Variants in ERBB4 observed in about 807,000 individuals in gnomAD.
The protein encoded by ERBB4 is receptor tyrosine-protein kinase erbB-4.
A neutral mutation model predicts 158.0 loss-of-function variants in ERBB4; 42 were observed. The ratio of observed to expected loss-of-function variants is 0.27; its 90% CI spans 0.21 to 0.34. The LOEUF (loss-of-function observed/expected upper bound fraction) is 0.34, where lower values mean the gene tolerates loss of function less well. Ranked by LOEUF, ERBB4 falls within the 10% of genes least tolerant of loss-of-function variation. The pLI, the probability that ERBB4 is intolerant of heterozygous loss-of-function variation, is 1.00. For synonymous variants in ERBB4, 583 were observed against 558.7 expected (o/e 1.04, Z -0.61); for missense variants, 1,333 against 1,624.1 (o/e 0.82, Z 3.08).
At position 212,517,409 on chromosome 2, in the gene ERBB4, G is replaced by A. The variant is rs62186302; in HGVS notation, c.82+21040C>T. Among the ~76,000 whole-genome samples the A allele has an allele frequency of 3.7e-3, 556 of 152,150 alleles. 2 individuals carry two copies. The highest frequency in any genetic ancestry group is 6.8e-3 in the Non-Finnish European group (461 of 67,940). On this transcript the variant is annotated intron_variant, in intron 1 of 27. Transcript: ENST00000342788. ...TTGGGCAACTGATGAAACATTAATA[G>A]AAAATTATATAGAATTAAGGGACAT...
intron 1 of ERBB4, among the ~76,000 whole-genome samples, chr2:212,317,661 T>G (rs2087352038): frequency 1.3e-5 from 2 of 151,588 alleles, no homozygotes; most frequent in South Asian, 4.1e-4. Context: ...AAAGAGAACT[T>G]CAGGAAGGTA....
At chr2:212,139,944 G>A (rs113138299) in intron 1 of ERBB4, among the ~76,000 whole-genome samples, 11,486 of 151,546 alleles carry the variant, frequency 0.076, 861 homozygotes, top group African/African-American at 0.19. Flanking sequence ...TTTTATTATA[G>A]AATTCAAGTT....
intron 4 of ERBB4, among the ~76,000 whole-genome samples, chr2:211,759,074 T>C (rs1458774096): frequency 6.6e-6 from 1 of 152,172 alleles, no homozygotes; most frequent in African/African-American, 2.4e-5. Flanking sequence ...TCTCAGTCAA[T>C]AGCAGCTCAA....
At chr2:211,781,833 G>A (rs924889366) in intron 4 of ERBB4, among the ~76,000 whole-genome samples, 1 of 152,078 alleles carries the variant, frequency 6.6e-6, no homozygotes, top group Non-Finnish European at 1.5e-5. Flanking sequence ...TTTCAGGCAG[G>A]AGCACAGACA....
At chr2:212,074,761 G>A (rs553116859) in intron 2 of ERBB4, among the ~76,000 whole-genome samples, 14 of 152,062 alleles carry the variant, frequency 9.2e-5, no homozygotes, top group East Asian at 5.8e-4. Flanking sequence ...TGAAACAGTC[G>A]TTCTGGGAGG....
intron 1 of ERBB4, among the ~76,000 whole-genome samples, chr2:212,133,396 G>GTTT (rs575131971): frequency 1.5e-5 from 2 of 137,136 alleles, no homozygotes; most frequent in African/African-American, 5.9e-5. Context: ...TCATTTTGGT[G>GTTT]TTTTTTTTTT....
intron 3 of ERBB4, among the ~76,000 whole-genome samples, chr2:211,899,597 T>C (rs934720395): frequency 6.6e-6 from 1 of 152,144 alleles, no homozygotes; most frequent in African/African-American, 2.4e-5. Context: ...TTATAGTACT[T>C]ACATTTGATA....
intron 2 of ERBB4, among the ~76,000 whole-genome samples, chr2:212,037,814 A>C (rs920269774): frequency 1.3e-5 from 2 of 152,220 alleles, no homozygotes; most frequent in South Asian, 4.1e-4. Context: ...AACTGCTTGA[A>C]ATTCTAATCA....
intron 3 of ERBB4, among the ~76,000 whole-genome samples, chr2:211,831,059 G>A (rs1205201684): frequency 5.9e-5 from 9 of 151,832 alleles, no homozygotes; most frequent in South Asian, 2.1e-4. Context: ...TAAATACAGA[G>A]GGATAGAAAG....
chr2:212,060,839 T>C (rs1008346037), intron 2 of ERBB4, among the ~76,000 whole-genome samples: 6 of 150,484 alleles, frequency 4.0e-5, no homozygotes, highest in African/African-American at 1.5e-4. Context: ...AGGGATACCA[T>C]TAGGAGATAT....
At chr2:211,659,717 ATGTCTACTAAG>A (rs1308251511) in intron 15 of ERBB4, among the ~76,000 whole-genome samples, 3 of 152,222 alleles carry the variant, frequency 2.0e-5, no homozygotes, top group Non-Finnish European at 4.4e-5. Flanking sequence ...ACTGTGTTAC[ATGTCTACTAAG>A]TGTTCCTAGT....
intron 1 of ERBB4, among the ~76,000 whole-genome samples, chr2:212,225,345 A>C (rs4638732): frequency 0.48 from 73,305 of 151,824 alleles, 18,105 homozygotes; most frequent in East Asian, 0.76. Context: ...AAAATGTTTT[A>C]TCAGCGTTGG....
At chr2:212,119,582 G>A (rs1559533886) in intron 2 of ERBB4, among the ~76,000 whole-genome samples, 1 of 152,142 alleles carries the variant, frequency 6.6e-6, no homozygotes, top group Non-Finnish European at 1.5e-5. Context: ...ATGCCTCGCT[G>A]CTTTCTATTA....
rs1553606480 is a variant in ERBB4 at position 212,260,081 on chromosome 2, A to AAAAAAG, written c.83-135179_83-135178insCTTTTT. Reference sequence around the variant, plus strand: ...GAGACTCTGTCTCAGAAAAAAAAAAAAAAAGAAAAGAAAAGAAATGTACTA... The same window carrying AAAAAAG: ...GAGACTCTGTCTCAGAAAAAAAAAAAAAAAAGAAAAGAAAAGAAAAGAAATGTACTA... On this transcript the variant is annotated intron_variant, in intron 1 of 27. Transcript: ENST00000342788. 6.6e-4 allele frequency among the ~76,000 whole-genome samples: 98 copies of AAAAAAG among 148,892 alleles called. 2 individuals carry two copies. The highest frequency in any genetic ancestry group is 2.2e-3 in the African/African-American group (88 of 39,718).
chr2:211,759,107 A>C (rs574034652), intron 4 of ERBB4, among the ~76,000 whole-genome samples: 7 of 152,260 alleles, frequency 4.6e-5, no homozygotes, highest in African/African-American at 1.7e-4. Flanking sequence ...CTTCTGCCAA[A>C]AACTTTGGAG....
At chr2:211,590,824 G>T (rs537599718) in intron 19 of ERBB4, among the ~76,000 whole-genome samples, 1 of 152,290 alleles carries the variant, frequency 6.6e-6, no homozygotes, top group African/African-American at 2.4e-5. Flanking sequence ...TACAAATTGG[G>T]TAAGCTGAAC....
intron 19 of ERBB4, among the ~76,000 whole-genome samples, chr2:211,604,558 T>C (rs2068915041): frequency 6.6e-6 from 1 of 152,204 alleles, no homozygotes; most frequent in Admixed American, 6.5e-5. Flanking sequence ...CAGTCAGTCT[T>C]ATCAACCTCA....
chr2:211,901,428 AAT>A (rs1252466212), intron 3 of ERBB4, among the ~76,000 whole-genome samples: 1 of 152,150 alleles, frequency 6.6e-6, no homozygotes, highest in Non-Finnish European at 1.5e-5. Context: ...TCCTGGCAGG[AAT>A]AGTCAGTGAC....
intron 1 of ERBB4, among the ~76,000 whole-genome samples, chr2:212,354,133 CTGAGA>C (rs2089371280): frequency 1.3e-5 from 2 of 152,058 alleles, no homozygotes; most frequent in African/African-American, 4.8e-5. Context: ...TTTTATTCTA[CTGAGA>C]TATTTGTAAT....
Sources: allele counts gnomAD v4.1 joint callset (sites outside exome capture counted in the v4.1 genomes callset), GRCh38; gene constraint gnomAD v4.1.1; transcripts MANE v1.5; gene names NCBI Gene and HGNC (gene_info 2026-07-23, HGNC 2026-07-21).